The following HIGD1A variants were observed in gnomAD, a reference collection of about 807,000 sequenced individuals.
HIGD1A encodes HIG1 domain family member 1A, mitochondrial.
HIGD1A carries 8 observed loss-of-function variants against 11.3 expected under a neutral mutation model. The observed-to-expected ratio is 0.71, with a 90% CI of 0.42 to 1.28. The LOEUF (loss-of-function observed/expected upper bound fraction) is 1.28, where lower values mean the gene tolerates loss of function less well. Ranked by LOEUF, HIGD1A falls within the 50% of genes most tolerant of loss-of-function variation. The pLI is 0.01. For missense variants in HIGD1A, 107 were observed against 118.8 expected, an observed-to-expected ratio of 0.90 and a Z score of 0.46; for synonymous variants, 32 against 38.4, an observed-to-expected ratio of 0.83 and a Z score of 0.62.
intron 2 of HIGD1A, among the ~76,000 whole-genome samples, chr3:42,792,129 G>A (rs934547584): frequency 1.4e-4 from 21 of 152,006 alleles, no homozygotes; most frequent in Non-Finnish European, 4.4e-5. Context: ...TTTCAGAGTC[G>A]GGATCATAGG....
intron 2 of HIGD1A, among the ~76,000 whole-genome samples, chr3:42,793,741 C>T (rs1309448829): frequency 6.6e-6 from 1 of 152,206 alleles, no homozygotes; most frequent in Non-Finnish European, 1.5e-5. Flanking sequence ...AGGCTGAGGG[C>T]AGGCGGATTG....
chr3:42,783,641 A>C lies in HIGD1A; in HGVS notation c.*1630T>G, dbSNP rs985631229. On this transcript the variant is annotated 3_prime_UTR_variant, in exon 4 of 4. Coordinates refer to ENST00000321331, the MANE Select transcript of HIGD1A (RefSeq NM_014056.4). ...AAATAAACAAACAAACAAACAAACA[A>C]ACAGTATAAGAGTAAAATCCAATAA... 2.0e-5 allele frequency among the ~76,000 whole-genome samples: 3 copies of C among 152,076 alleles called. No individual in the cohort carries two copies. The highest frequency in any genetic ancestry group is 4.4e-5 in the Non-Finnish European group (3 of 68,016).
intron 1 of HIGD1A, among the ~76,000 whole-genome samples, chr3:42,799,615 G>GTT (rs57590070): frequency 2.0e-5 from 3 of 147,592 alleles, no homozygotes; most frequent in African/African-American, 5.0e-5. Flanking sequence ...ACCATGCCTG[G>GTT]TTTTTTTTTT....
At chr3:42,793,839 G>C (rs138462612) in intron 2 of HIGD1A, among the ~76,000 whole-genome samples, 107 of 152,256 alleles carry the variant, frequency 7.0e-4, no homozygotes, top group African/African-American at 2.5e-3. Context: ...GGGCGTGGTG[G>C]TGCACACCTG....
chr3:42,788,982 T>G (rs1387162606), intron 2 of HIGD1A, among the ~76,000 whole-genome samples: 1 of 151,758 alleles, frequency 6.6e-6, no homozygotes, highest in Non-Finnish European at 1.5e-5. Flanking sequence ...CTTATCAACT[T>G]TAAAATGTAT....
chr3:42,803,263 A>G (rs1700592117), intron 1 of HIGD1A, among the ~76,000 whole-genome samples: 1 of 152,224 alleles, frequency 6.6e-6, no homozygotes, highest in African/African-American at 2.4e-5. Context: ...GCATTAAGGG[A>G]AGATGAGCCG....
chr3:42,790,330 C>T (rs902089898), intron 2 of HIGD1A, among the ~76,000 whole-genome samples: 4 of 152,062 alleles, frequency 2.6e-5, no homozygotes, highest in Admixed American at 6.5e-5. Flanking sequence ...GTCAGGAATT[C>T]GAGACCAACC....
At chr3:42,795,573 C>G (rs1038928630) in intron 1 of HIGD1A, among the ~76,000 whole-genome samples, 3 of 152,142 alleles carry the variant, frequency 2.0e-5, no homozygotes, top group African/African-American at 7.2e-5. Flanking sequence ...TCAGGGTCTT[C>G]TTAATATCTT....
At chr3:42,795,614 C>T (rs1226608992) in intron 1 of HIGD1A, among the ~76,000 whole-genome samples, 3 of 152,066 alleles carry the variant, frequency 2.0e-5, no homozygotes, top group Admixed American at 2.0e-4. Flanking sequence ...CATTTACATA[C>T]CTTATATCCC....
intron 2 of HIGD1A, among the ~76,000 whole-genome samples, chr3:42,792,797 T>C (rs1440069311): frequency 6.6e-6 from 1 of 150,936 alleles, no homozygotes; most frequent in Non-Finnish European, 1.5e-5. Flanking sequence ...CTGGCCAACA[T>C]GATGAAACCC....
intron 2 of HIGD1A, among the ~76,000 whole-genome samples, chr3:42,788,754 A>G (rs1301687969): frequency 1.3e-5 from 2 of 151,668 alleles, no homozygotes; most frequent in African/African-American, 4.8e-5. Context: ...TGGTGGCGGG[A>G]GTAGTCCCAG....
At chr3:42,802,160 G>GT (rs796125779) in intron 1 of HIGD1A, among the ~76,000 whole-genome samples, 2,089 of 145,716 alleles carry the variant, frequency 0.014, 11 homozygotes, top group Non-Finnish European at 0.017. Flanking sequence ...GGAGCAAAAG[G>GT]TTTTTTTTTT....
intron 2 of HIGD1A, among the ~76,000 whole-genome samples, chr3:42,787,054 G>A (rs11717346): frequency 0.51 from 77,691 of 152,016 alleles, 20,462 homozygotes; most frequent in Non-Finnish European, 0.54. Flanking sequence ...ATAATGGTGA[G>A]CAATAAAGAC....
At chr3:42,785,426 A>C in intron 3 of HIGD1A, 106 bp from the exon 4 acceptor site, 1 of 846,536 alleles carries the variant, frequency 1.2e-6, no homozygotes. Context: ...CTAGCATGGA[A>C]TATTTACAAG....
rs531512861 is a variant in HIGD1A, at chr3:42,803,468, T to C, written c.-23+968A>G. Among the ~76,000 whole-genome samples the C allele has an allele frequency of 2.6e-5, 4 of 152,270 alleles. No homozygotes were observed. The South Asian group carries it at 8.3e-4, about 32-fold the overall frequency. ...GTGGTCTGGGGCAGAGCTCAAGGAA[T>C]CTTTAAGAAGCCCCTTCAAGTGACT... On this transcript the variant is annotated intron_variant, in intron 1 of 3. Transcript: ENST00000321331.
At chr3:42,801,492 T>C (rs1700561630) in intron 1 of HIGD1A, among the ~76,000 whole-genome samples, 1 of 152,218 alleles carries the variant, frequency 6.6e-6, no homozygotes, top group East Asian at 1.9e-4. Context: ...ATACCCTATA[T>C]ATAATATGTA....
At chr3:42,788,350 G>C (rs950427826) in intron 2 of HIGD1A, among the ~76,000 whole-genome samples, 15 of 152,110 alleles carry the variant, frequency 9.9e-5, no homozygotes, top group African/African-American at 3.6e-4. Flanking sequence ...TTTGATTCAA[G>C]AAGTTGTAGA....
Position 42,804,488 on chromosome 3 carries a change from C to T in HIGD1A, c.-75G>A, listed in dbSNP as rs953736510. On this transcript the variant is annotated 5_prime_UTR_variant, in exon 1 of 4. Coordinates refer to ENST00000321331, the MANE Select transcript of HIGD1A (RefSeq NM_014056.4). ...AACCGGCTTCCGATCCCTGCAGGCGCACCCAGTCCTCCCGGCTTCTCCCCA... is the reference window on the plus strand; with the variant it reads ...AACCGGCTTCCGATCCCTGCAGGCGTACCCAGTCCTCCCGGCTTCTCCCCA... 18 of 448,574 alleles carry T rather than the reference C, an allele frequency of 4.0e-5. No homozygotes were observed. Among genetic ancestry groups the T allele is most frequent in the Non-Finnish European group, 5.9e-5 (15 of 252,604 alleles). 27.8% of individuals were successfully genotyped at this position (448,574 alleles called of 1,614,324 possible).
At chr3:42,786,218 T>A in intron 2 of HIGD1A, 56 bp from the exon 3 acceptor site, 1 of 1,560,878 alleles carries the variant, frequency 6.4e-7, no homozygotes, top group South Asian at 1.1e-5. Flanking sequence ...AAGATGACTT[T>A]ACCATCAGTC....
Sources: gnomAD v4.1 joint callset for allele counts (sites outside exome capture counted in the v4.1 genomes callset) on GRCh38, gnomAD v4.1.1 for gene constraint, MANE v1.5 for transcripts, NCBI Gene and HGNC (gene_info 2026-07-23, HGNC 2026-07-21) for gene names.